GALNT18: variants seen among roughly 807,000 people sequenced by gnomAD.
GALNT18 encodes GalNAc-transferase 18.
A neutral mutation model predicts 69.5 loss-of-function variants in GALNT18; 44 were observed. That is an observed-to-expected ratio of 0.63 (90% confidence interval 0.50 to 0.81). GALNT18 has a LOEUF of 0.81. GALNT18 is among the 40% of genes least tolerant of loss of function. GALNT18 has a pLI of 0.00. For missense variants in GALNT18, 715 were observed against 810.0 expected, an observed-to-expected ratio of 0.88 and a Z score of 1.42; for synonymous variants, 364 against 318.2, an observed-to-expected ratio of 1.14 and a Z score of -1.53.
chr11:11,585,983 G>A (rs1361657071), intron 1 of GALNT18, among the ~76,000 whole-genome samples: 1 of 151,996 alleles, frequency 6.6e-6, no homozygotes, highest in Non-Finnish European at 1.5e-5. Context: ...GTATCCTTAC[G>A]AAAGAGAGCC....
At chr11:11,390,481 C>T (rs1854160744) in intron 3 of GALNT18, among the ~76,000 whole-genome samples, 1 of 152,230 alleles carries the variant, frequency 6.6e-6, no homozygotes, top group African/African-American at 2.4e-5. Context: ...TCCAGGGCAG[C>T]TCCGAGCATC....
intron 2 of GALNT18, among the ~76,000 whole-genome samples, chr11:11,447,361 G>A (rs1855679854): frequency 6.6e-6 from 1 of 151,756 alleles, no homozygotes; most frequent in East Asian, 1.9e-4. Context: ...CTCTCTCTCC[G>A]ACTTTATATT....
chr11:11,364,977 C>T (rs57454603), intron 6 of GALNT18, among the ~76,000 whole-genome samples: 1,747 of 151,334 alleles, frequency 0.012, 30 homozygotes, highest in African/African-American at 0.039. Flanking sequence ...TGTATATATT[C>T]GATATTGTCC....
rs1854997029 is a variant in GALNT18, at chr11:11,421,212, G to A, written c.595+11409C>T. 7.3e-6 allele frequency among the ~76,000 whole-genome samples: 1 copy of A among 137,836 alleles called. No individual in the cohort carries two copies. Among genetic ancestry groups the A allele is most frequent in the South Asian group, 2.8e-4 (1 of 3,516 alleles). 90.4% of individuals were successfully genotyped at this position (137,836 alleles called of 152,430 possible). On this transcript the variant is annotated intron_variant, in intron 3 of 10. Coordinates refer to ENST00000227756, the MANE Select transcript of GALNT18 (RefSeq NM_198516.3). The surrounding 1 kb of genome is among the most constrained non-coding windows in gnomAD (Gnocchi z 5.6). ...TCAGGCAGCTTCAGCGGTGCAGCAT[G>A]TTGGGACCTCAGCAGAGAGGCCGGT... is the stretch of plus-strand genomic sequence containing the variant.
intron 3 of GALNT18, among the ~76,000 whole-genome samples, chr11:11,403,018 C>G (rs988923754): frequency 6.6e-5 from 10 of 152,178 alleles, no homozygotes; most frequent in Non-Finnish European, 1.0e-4. Flanking sequence ...ATGCTCTCCC[C>G]AGGGCAGAAG....
intron 9 of GALNT18, among the ~76,000 whole-genome samples, chr11:11,293,775 C>G (rs770999357): frequency 6.6e-6 from 1 of 152,086 alleles, no homozygotes; most frequent in African/African-American, 2.4e-5. Context: ...CTCCTGACCT[C>G]GTGATCTGCC....
At chr11:11,527,958 A>T (rs1462360318) in intron 1 of GALNT18, among the ~76,000 whole-genome samples, 1 of 152,204 alleles carries the variant, frequency 6.6e-6, no homozygotes, top group African/African-American at 2.4e-5. Context: ...AGCATTTCTG[A>T]TATACCAGAT....
intron 2 of GALNT18, among the ~76,000 whole-genome samples, chr11:11,438,347 C>T (rs1041727977): frequency 1.3e-5 from 2 of 152,184 alleles, no homozygotes; most frequent in African/African-American, 4.8e-5. Context: ...GTATCTGTAT[C>T]CCCATAGCCT....
intron 6 of GALNT18, among the ~76,000 whole-genome samples, chr11:11,342,829 C>T (rs1006888223): frequency 1.3e-5 from 2 of 152,220 alleles, no homozygotes; most frequent in South Asian, 2.1e-4. Context: ...TCTCACTGTG[C>T]TTCTGTTTCC....
rs1308135320 is a variant in GALNT18, at chr11:11,554,762, TCA to T, written c.235+66595_235+66596del. Reference sequence around the variant, plus strand: ...AGTGTGGCTGATTCCCTCACATGGCTCACACACAGCCAGCTCTCCCCTAGACA... The same window carrying T: ...AGTGTGGCTGATTCCCTCACATGGCTCACACAGCCAGCTCTCCCCTAGACA... On this transcript the variant is annotated intron_variant, in intron 1 of 10. Coordinates refer to ENST00000227756, the MANE Select transcript of GALNT18 (RefSeq NM_198516.3). Among the ~76,000 whole-genome samples, 3 of 152,124 alleles carry T rather than the reference TCA, an allele frequency of 2.0e-5. No homozygotes were observed. In the East Asian group the frequency reaches 5.8e-4, roughly 29 times the overall value.
At chr11:11,310,336 A>G (rs1849648332) in intron 9 of GALNT18, among the ~76,000 whole-genome samples, 1 of 152,156 alleles carries the variant, frequency 6.6e-6, no homozygotes, top group Non-Finnish European at 1.5e-5. Context: ...GCTTTAGTTA[A>G]TTTTCCATTA....
At position 11,541,464 on chromosome 11, in the gene GALNT18, T is replaced by C. The variant is rs1857919423; in HGVS notation, c.235+79895A>G. On this transcript the variant is annotated intron_variant, in intron 1 of 10. Coordinates refer to ENST00000227756, the MANE Select transcript of GALNT18 (RefSeq NM_198516.3). This position sits in a 1 kb window ranked among gnomAD's most constrained non-coding sequence, Gnocchi z 4.8. The stretch of plus-strand genomic sequence containing the variant: ...CCTCCCATCCACCTTCCACCTGTAG[T>C]TGGGGTGATCTTTCTAGACCACAAA... 2.6e-5 allele frequency among the ~76,000 whole-genome samples: 4 copies of C among 152,176 alleles called. No homozygotes were observed. The highest frequency in any genetic ancestry group is 1.5e-5 in the Non-Finnish European group (1 of 68,026).
At chr11:11,416,332 C>T (rs1034134341) in intron 3 of GALNT18, among the ~76,000 whole-genome samples, 1 of 152,126 alleles carries the variant, frequency 6.6e-6, no homozygotes, top group Non-Finnish European at 1.5e-5. Context: ...GATGGAGAAC[C>T]CGCTCTGCAC....
At chr11:11,561,743 A>C (rs1158742163) in intron 1 of GALNT18, among the ~76,000 whole-genome samples, 1 of 152,194 alleles carries the variant, frequency 6.6e-6, no homozygotes, top group Non-Finnish European at 1.5e-5. Context: ...CTGCTTCCAG[A>C]AATCCTGGGT....
Position 11,369,395 on chromosome 11 carries a change from C to T in GALNT18, c.1092+3120G>A, listed in dbSNP as rs189241561. 6.5e-3 allele frequency among the ~76,000 whole-genome samples: 984 copies of T among 152,330 alleles called. 5 individuals are homozygous for T. Among genetic ancestry groups the T allele is most frequent in the Non-Finnish European group, 9.8e-3 (667 of 68,038 alleles). ...GAGCTTTTGACATCATAACTCCAAT[C>T]TCTACCTCCACCTTCTCATGGCTGT... On this transcript the variant is annotated intron_variant, in intron 6 of 10. Transcript: ENST00000227756.
intron 1 of GALNT18, among the ~76,000 whole-genome samples, chr11:11,526,870 C>T (rs766793212): frequency 2.0e-5 from 3 of 152,178 alleles, no homozygotes; most frequent in Non-Finnish European, 4.4e-5. Context: ...AGGAGCACAG[C>T]AGCTGTCAGT....
rs533237829 is a variant in GALNT18 at position 11,329,811 on chromosome 11, G to T, written c.1417-2630C>A. 4.6e-5 allele frequency among the ~76,000 whole-genome samples: 7 copies of T among 152,252 alleles called. No homozygotes were observed. In the East Asian group the frequency reaches 1.4e-3, roughly 29 times the overall value. ...TTCCCAAATGAATGGAATCATAGTC[G>T]GACAAGTGAAAGAGCTGGTCTGTCA... On this transcript the variant is annotated intron_variant, in intron 8 of 10. Coordinates refer to ENST00000227756, the MANE Select transcript of GALNT18 (RefSeq NM_198516.3).
rs1857976007 is a variant in GALNT18, at chr11:11,543,639, A to C, written c.235+77720T>G. ...CTGGCTTCAGTGCCCAGCACATCAGAGCCTCTGTTCCTCCCCTCGCCACCC... is the reference window on the plus strand; with the variant it reads ...CTGGCTTCAGTGCCCAGCACATCAGCGCCTCTGTTCCTCCCCTCGCCACCC... On this transcript the variant is annotated intron_variant, in intron 1 of 10. Coordinates refer to ENST00000227756, the MANE Select transcript of GALNT18 (RefSeq NM_198516.3). The surrounding 1 kb of genome is among the most constrained non-coding windows in gnomAD (Gnocchi z 5.1). Among the ~76,000 whole-genome samples the C allele has an allele frequency of 6.6e-6, 1 of 152,178 alleles. No homozygotes were observed. Among genetic ancestry groups the C allele is most frequent in the African/African-American group, 2.4e-5 (1 of 41,442 alleles).
rs935673120 is a variant in GALNT18 at position 11,614,740 on chromosome 11, C to T, written c.235+6619G>A. 2.0e-5 allele frequency among the ~76,000 whole-genome samples: 3 copies of T among 152,210 alleles called. No homozygotes were observed. Among genetic ancestry groups the T allele is most frequent in the African/African-American group, 4.8e-5 (2 of 41,442 alleles). On this transcript the variant is annotated intron_variant, in intron 1 of 10. Transcript: ENST00000227756. The surrounding 1 kb of genome is among the most constrained non-coding windows in gnomAD (Gnocchi z 5.6). Reference sequence around the variant, plus strand: ...GTGACTAAAGCTGAACTTCAAGGCCCTCATAAATGACAAAACCAGACGTGG... The same window carrying T: ...GTGACTAAAGCTGAACTTCAAGGCCTTCATAAATGACAAAACCAGACGTGG...
Sources: allele counts gnomAD v4.1 joint callset (sites outside exome capture counted in the v4.1 genomes callset), GRCh38; gene constraint gnomAD v4.1.1; non-coding constraint Gnocchi (gnomAD v3.1); transcripts MANE v1.5; gene names NCBI Gene and HGNC (gene_info 2026-07-23, HGNC 2026-07-21).